The following KLHL20 variants were observed in gnomAD, a reference collection of about 807,000 sequenced individuals.
KLHL20 encodes kelch like family member 20.
In KLHL20, 29 loss-of-function variants were observed where a neutral mutation model predicts 69.5. The observed-to-expected ratio is 0.42, with a 90% CI of 0.31 to 0.57. KLHL20 has a LOEUF of 0.57. KLHL20 is among the 20% of genes least tolerant of loss of function. The probability of loss-of-function intolerance (pLI) is 0.18; values close to 1 mark genes in which losing one functional copy is unlikely to be tolerated. For synonymous variants in KLHL20, 253 were observed against 265.2 expected, an observed-to-expected ratio of 0.95 and a Z score of 0.45; for missense variants, 419 against 776.0, an observed-to-expected ratio of 0.54 and a Z score of 5.47.
chr1:173,723,683 A>T (rs1420715917), intron 2 of KLHL20, among the ~76,000 whole-genome samples: 1 of 152,148 alleles, frequency 6.6e-6, no homozygotes, highest in Non-Finnish European at 1.5e-5. Context: ...TCTGAGAGAG[A>T]CTCACATGAG....
intron 2 of KLHL20, among the ~76,000 whole-genome samples, chr1:173,722,687 A>AT (rs66503240): frequency 0.31 from 42,762 of 138,264 alleles, 6,650 homozygotes; most frequent in Middle Eastern, 0.44. Context: ...TGCTATGGTA[A>AT]TTTTTTTTTT....
chr1:173,734,709 G>C (rs1252901212), intron 3 of KLHL20, among the ~76,000 whole-genome samples: 1 of 152,026 alleles, frequency 6.6e-6, no homozygotes, highest in Non-Finnish European at 1.5e-5. Context: ...GATGAGTTTA[G>C]ATGTTATCAA....
chr1:173,715,790 C>G (rs1163790377), intron 1 of KLHL20: 2 of 465,218 alleles, frequency 4.3e-6, no homozygotes, highest in Non-Finnish European at 7.7e-6. Context: ...CATACTTTCC[C>G]TCACCTTTAC....
intron 2 of KLHL20, among the ~76,000 whole-genome samples, chr1:173,719,249 T>C (rs7544583): frequency 0.09 from 13,692 of 152,138 alleles, 2,005 homozygotes; most frequent in African/African-American, 0.31. Flanking sequence ...TTCAACTGTT[T>C]TGCTGTTACA....
At chr1:173,742,188 C>A (rs1193211744) in intron 3 of KLHL20, among the ~76,000 whole-genome samples, 2 of 152,124 alleles carry the variant, frequency 1.3e-5, no homozygotes, top group East Asian at 3.8e-4. Flanking sequence ...TTTTATCTAT[C>A]AGATTACAAA....
Position 173,734,236 on chromosome 1 carries a change from C to T in KLHL20, c.547C>T (p.Arg183Cys), listed in dbSNP as rs747822376. The T allele has an allele frequency of 1.2e-5, 20 of 1,614,044 alleles. No individual in the cohort carries two copies. The highest frequency in any genetic ancestry group is 9.3e-5 in the African/African-American group (7 of 74,906). ...IRAFADTHSCRELLRIADKFT... is the reference protein window; with the variant it reads ...IRAFADTHSCCELLRIADKFT... Reference sequence around the variant, plus strand: ...GGCTTTTGCTGACACACATTCATGTCGTGAGTTGCTAAGGATAGCAGACAA... The same window carrying T: ...GGCTTTTGCTGACACACATTCATGTTGTGAGTTGCTAAGGATAGCAGACAA... The change falls in exon 3 of 12, where the codon CGT becomes TGT. Residue 183 changes from arginine (R) to cysteine (C), a missense_variant. By Grantham distance (180) the Arg-to-Cys change is radical (BLOSUM62 -3). Coordinates refer to ENST00000209884, the MANE Select transcript of KLHL20 (RefSeq NM_014458.4).
chr1:173,716,474 T>C (rs1189086499), intron 2 of KLHL20, among the ~76,000 whole-genome samples: 1 of 152,186 alleles, frequency 6.6e-6, no homozygotes, highest in East Asian at 1.9e-4. Flanking sequence ...GTTATTTCCT[T>C]GATGTTCAAT....
intron 8 of KLHL20, among the ~76,000 whole-genome samples, chr1:173,771,311 G>A (rs1648074465): frequency 6.6e-6 from 1 of 152,152 alleles, no homozygotes; most frequent in African/African-American, 2.4e-5. Context: ...AGCCAAGGTG[G>A]GAGGATCGCT....
rs564018098 is a variant in KLHL20 at position 173,728,723 on chromosome 1, T to A, written c.24-4990T>A. Among the ~76,000 whole-genome samples, 109 of 152,092 alleles carry A rather than the reference T, an allele frequency of 7.2e-4. 1 individual carries two copies. Among genetic ancestry groups the A allele is most frequent in the Admixed American group, 4.3e-3 (65 of 15,288 alleles). On this transcript the variant is annotated intron_variant, in intron 2 of 11. Transcript: ENST00000209884. ...AACAAAGACACAACATACCAGAATCTCTGGGACACATTCAAAGCAGTGTGT... is the reference window on the plus strand; with the variant it reads ...AACAAAGACACAACATACCAGAATCACTGGGACACATTCAAAGCAGTGTGT...
chr1:173,738,756 G>T (rs1672654785), intron 3 of KLHL20, among the ~76,000 whole-genome samples: 1 of 152,084 alleles, frequency 6.6e-6, no homozygotes, highest in Non-Finnish European at 1.5e-5. Context: ...ATGATCATAT[G>T]ATTTTTATTT....
At chr1:173,740,503 T>TTCAGA (rs1282547096) in intron 3 of KLHL20, among the ~76,000 whole-genome samples, 1 of 152,102 alleles carries the variant, frequency 6.6e-6, no homozygotes, top group Non-Finnish European at 1.5e-5. Context: ...TTTGTACTCT[T>TTCAGA]TCAGAATTTT....
chr1:173,735,524 A>C (rs1672488293), intron 3 of KLHL20, among the ~76,000 whole-genome samples: 1 of 152,128 alleles, frequency 6.6e-6, no homozygotes, highest in East Asian at 1.9e-4. Context: ...AAGCAAAGAC[A>C]AAACATGGTC....
Position 173,733,771 on chromosome 1 carries a change from G to A in KLHL20, c.82G>A (p.Gly28Arg). The A allele has an allele frequency of 6.2e-7, 1 of 1,614,076 alleles. No homozygotes were observed. The highest frequency in any genetic ancestry group is 8.5e-7 in the Non-Finnish European group (1 of 1,180,010). The stretch of plus-strand genomic sequence containing the variant: ...GGATGTAACAAGCCGCTGCACCCTT[G>A]GAGACCCCAACAAACTGCCAGAAGG... ...GMDVTSRCTL[G>R]DPNKLPEGVP... The change falls in exon 3 of 12, where the codon GGA becomes AGA. Residue 28 changes from glycine (G) to arginine (R), a missense_variant. Physicochemically the swap from Gly to Arg is moderately radical, Grantham distance 125. Around this residue, in one of 6 missense-constraint regions of KLHL20, gnomAD observed 129 missense variants for 183.6 expected, o/e 0.70. Transcript: ENST00000209884.
rs1227109505 is a variant in KLHL20 at position 173,757,127 on chromosome 1, T to C, written c.1119T>C (p.His373=). ...ATCTGTTATATGCAGTAGGAGGCCA[T>C]GATGGATCCTCTTATCTCAATAGTG... ...LDDLLYAVGG[H]DGSSYLNSVE... Residue 373 remains histidine (H), a synonymous_variant, in exon 7 of 12, where the codon CAT becomes CAC. Transcript: ENST00000209884. The C allele has an allele frequency of 9.9e-6, 16 of 1,613,828 alleles. No homozygotes were observed. Among genetic ancestry groups the C allele is most frequent in the Non-Finnish European group, 1.3e-5 (15 of 1,179,854 alleles).
chr1:173,748,451 A>G (rs1223894741), intron 3 of KLHL20, among the ~76,000 whole-genome samples: 1 of 152,190 alleles, frequency 6.6e-6, no homozygotes, highest in Admixed American at 6.5e-5. Context: ...TGTGGTTTAT[A>G]TTATTAATTA....
chr1:173,780,371 C>T (rs1041921906), intron 10 of KLHL20, among the ~76,000 whole-genome samples: 8 of 152,134 alleles, frequency 5.3e-5, no homozygotes, highest in African/African-American at 1.7e-4. Flanking sequence ...TAGGAGAATG[C>T]GCTTACTGCT....
intron 7 of KLHL20, among the ~76,000 whole-genome samples, chr1:173,763,876 A>AAC (rs1191519034): frequency 3.3e-5 from 5 of 151,862 alleles, no homozygotes; most frequent in East Asian, 1.9e-4. Context: ...TAAAAAAAAA[A>AAC]AAAAAACAGC....
chr1:173,766,541 C>T (rs1232552766), intron 8 of KLHL20, among the ~76,000 whole-genome samples: 1 of 148,922 alleles, frequency 6.7e-6, no homozygotes, highest in East Asian at 2.0e-4. Flanking sequence ...ACTTGTGGGG[C>T]TGAGGTGGGA....
intron 3 of KLHL20, among the ~76,000 whole-genome samples, chr1:173,743,603 A>G (rs1672932538): frequency 6.6e-6 from 1 of 151,124 alleles, no homozygotes; most frequent in Admixed American, 6.6e-5. Context: ...CTTAACCCGT[A>G]TTCATTGATT....
Sources: allele counts gnomAD v4.1 joint callset (sites outside exome capture counted in the v4.1 genomes callset), GRCh38; gene constraint gnomAD v4.1.1; regional missense constraint gnomAD v4.1.1; transcripts MANE v1.5; gene names NCBI Gene and HGNC (gene_info 2026-07-23, HGNC 2026-07-21).